GLI2: variants seen among roughly 807,000 people sequenced by gnomAD.
GLI2 encodes transcription activator GLI2.
In GLI2, 22 loss-of-function variants were observed where a neutral mutation model predicts 78.9. That is an observed-to-expected ratio of 0.28 (90% CI 0.20 to 0.40). GLI2 has a LOEUF of 0.40. GLI2 is among the 10% of genes least tolerant of loss of function. The pLI, the probability that GLI2 is intolerant of heterozygous loss-of-function variation, is 1.00. For missense variants in GLI2, 2,097 were observed against 2,213.2 expected (o/e 0.95, Z 1.05); for synonymous variants, 974 against 963.7 (o/e 1.01, Z -0.20).
intron 2 of GLI2, among the ~76,000 whole-genome samples, chr2:120,859,702 G>A (rs929535620): frequency 6.6e-6 from 1 of 151,682 alleles, no homozygotes; most frequent in Non-Finnish European, 1.5e-5. Flanking sequence ...TGATCCGCCC[G>A]CCTTGGCCTC....
chr2:120,828,767 A>G (rs1040715762), intron 2 of GLI2, among the ~76,000 whole-genome samples: 3 of 150,138 alleles, frequency 2.0e-5, no homozygotes, highest in Admixed American at 1.4e-4. Context: ...AATGAAAGGA[A>G]TAATTTATTT....
chr2:120,854,414 G>A (rs1005232135), intron 2 of GLI2, among the ~76,000 whole-genome samples: 5 of 152,178 alleles, frequency 3.3e-5, no homozygotes, highest in Admixed American at 2.6e-4. Flanking sequence ...CCGACAGGAT[G>A]TGTCATATCA....
At chr2:120,766,677 T>A (rs1380227998) in intron 1 of GLI2, among the ~76,000 whole-genome samples, 1 of 152,244 alleles carries the variant, frequency 6.6e-6, no homozygotes, top group Non-Finnish European at 1.5e-5. Flanking sequence ...AAGGTCTTTA[T>A]GCCTCAGTTT....
chr2:120,856,301 G>A (rs1687641925), intron 2 of GLI2, among the ~76,000 whole-genome samples: 1 of 152,166 alleles, frequency 6.6e-6, no homozygotes, highest in Non-Finnish European at 1.5e-5. Flanking sequence ...TGTGGGCATT[G>A]GCAGCGCCTT....
chr2:120,980,579 ATTTTC>A (rs1194135747), intron 10 of GLI2, among the ~76,000 whole-genome samples: 1 of 152,064 alleles, frequency 6.6e-6, no homozygotes, highest in Non-Finnish European at 1.5e-5. Context: ...CATTCTCTGG[ATTTTC>A]TTTTCATTTC....
In GLI2 at chr2:120,989,502, G is replaced by A. The variant is rs1683176636; in HGVS notation, c.3537G>A (p.Gly1179=). The change falls in exon 14 of 14, where the codon GGG becomes GGA. Residue 1179 remains glycine (G), a synonymous_variant. Transcript: ENST00000361492. The part of the protein sequence containing the change: ...YSPQGLQASP[G]GLDSTQPHLQ... ...CGCAAGGCCTACAGGCTAGCCCTGGGGGCCTGGACAGCACGCAGCCACACC... is the reference window on the plus strand; with the variant it reads ...CGCAAGGCCTACAGGCTAGCCCTGGAGGCCTGGACAGCACGCAGCCACACC... The A allele has an allele frequency of 6.2e-7, 1 of 1,612,244 alleles. No individual in the cohort carries two copies. The highest frequency in any genetic ancestry group is 1.3e-5 in the African/African-American group (1 of 75,070).
In GLI2 at chr2:120,953,115, T is replaced by G. The variant is rs1013434878; in HGVS notation, c.457+1670T>G. On this transcript the variant is annotated intron_variant, in intron 4 of 13. Coordinates refer to ENST00000361492, the MANE Select transcript of GLI2 (RefSeq NM_001374353.1). ...TATTCCCTCATTTGGAAAAGCAGTC[T>G]TTGCAGATGTCATTAAGTTAGGTCT... Among the ~76,000 whole-genome samples the G allele has an allele frequency of 5.3e-5, 8 of 152,186 alleles. No homozygotes were observed. In the South Asian group the frequency reaches 1.7e-3, roughly 32 times the overall value.
chr2:120,904,567 A>T (rs1039238852), intron 2 of GLI2, among the ~76,000 whole-genome samples: 15 of 152,202 alleles, frequency 9.9e-5, no homozygotes, highest in African/African-American at 3.6e-4. Context: ...TGCCAAGGGA[A>T]GTGGCACTGT....
chr2:120,883,325 TA>T (rs1006183395), intron 2 of GLI2, among the ~76,000 whole-genome samples: 1 of 151,962 alleles, frequency 6.6e-6, no homozygotes, highest in Non-Finnish European at 1.5e-5. Flanking sequence ...ATCTCTATTT[TA>T]AAAAAGAAAA....
intron 1 of GLI2, among the ~76,000 whole-genome samples, chr2:120,753,823 G>A (rs1185317287): frequency 6.6e-6 from 1 of 151,824 alleles, no homozygotes; most frequent in African/African-American, 2.4e-5. Context: ...GCGGAAACCC[G>A]GGAGGCGGAG....
chr2:120,736,800 TC>T (rs1260156653), intron 1 of GLI2, among the ~76,000 whole-genome samples: 2 of 151,798 alleles, frequency 1.3e-5, no homozygotes, highest in African/African-American at 4.8e-5. Context: ...TGCCTTTCTT[TC>T]TTCCTTCCTC....
Position 120,991,106 on chromosome 2 carries a change from CT to C in GLI2, c.*436del, listed in dbSNP as rs1683279469. 2 of 166,342 alleles carry C rather than the reference CT, an allele frequency of 1.2e-5. No homozygotes were observed. The allele number at this position is 166,342 out of a possible 1,614,324, so 10.3% of individuals were successfully genotyped here. On this transcript the variant is annotated 3_prime_UTR_variant, in exon 14 of 14. Coordinates refer to ENST00000361492, the MANE Select transcript of GLI2 (RefSeq NM_001374353.1). ...GGATACTCTGCTCCGGAAAGATGAG[CT>C]TTTTATTCTACTACTTGGAAGGAAA...
intron 2 of GLI2, among the ~76,000 whole-genome samples, chr2:120,811,396 G>T (rs1340869227): frequency 6.6e-6 from 1 of 152,168 alleles, no homozygotes; most frequent in East Asian, 1.9e-4. Flanking sequence ...CCCCATAAGG[G>T]TACACAAAGT....
intron 1 of GLI2, among the ~76,000 whole-genome samples, chr2:120,764,431 C>T (rs1558784934): frequency 6.8e-6 from 1 of 148,126 alleles, no homozygotes; most frequent in African/African-American, 2.6e-5. Context: ...ATGCTTTAAT[C>T]TTTTAAAAAA....
intron 3 of GLI2, among the ~76,000 whole-genome samples, chr2:120,932,747 C>T (rs185215298): frequency 2.0e-5 from 3 of 152,298 alleles, no homozygotes; most frequent in Admixed American, 6.5e-5. Flanking sequence ...GAGCAACAAT[C>T]GTGATCATTG....
intron 2 of GLI2, among the ~76,000 whole-genome samples, chr2:120,804,811 C>T (rs1684866583): frequency 6.6e-6 from 1 of 152,312 alleles, no homozygotes; most frequent in Non-Finnish European, 1.5e-5. Flanking sequence ...CAGGAGTGTA[C>T]TGCAAGGTTG....
At position 120,991,470 on chromosome 2, in the gene GLI2, T is replaced by C. The variant is rs1015813455; in HGVS notation, c.*795T>C. The C allele has an allele frequency of 1.3e-5, 2 of 152,694 alleles. No homozygotes were observed. The highest frequency in any genetic ancestry group is 4.1e-4 in the South Asian group (2 of 4,834). The allele number at this position is 152,694 out of a possible 1,614,324, so 9.5% of individuals were successfully genotyped here. A position where few individuals can be genotyped will look rare whatever the true frequency, so the allele number is the denominator to read the frequency against. On this transcript the variant is annotated 3_prime_UTR_variant, in exon 14 of 14. Transcript: ENST00000361492. ...GTGTTTACAGTGTTTGCATGTAGAATGTAGCCCTTCCTGAAAAGAAGACTT... is the reference window on the plus strand; with the variant it reads ...GTGTTTACAGTGTTTGCATGTAGAACGTAGCCCTTCCTGAAAAGAAGACTT...
rs1482673150 is a variant in GLI2, at chr2:120,955,152, CCTTTTT to C, written c.458-92_458-87del. The C allele has an allele frequency of 8.5e-3, 2,584 of 303,654 alleles. 78 individuals are homozygous for C. Among genetic ancestry groups the C allele is most frequent in the East Asian group, 0.02 (203 of 10,394 alleles). The allele number at this position is 303,654 out of a possible 1,614,324, so 18.8% of individuals were successfully genotyped here. ...GACACCAGGTGTGCATTTCTCTCTGCCTTTTTTTTTTTTTTTTTTTTTTTTTTTTGG... is the reference window on the plus strand; with the variant it reads ...GACACCAGGTGTGCATTTCTCTCTGCTTTTTTTTTTTTTTTTTTTTTTTGG... On this transcript the variant is annotated intron_variant, in intron 4 of 13. Transcript: ENST00000361492.
intron 5 of GLI2, among the ~76,000 whole-genome samples, chr2:120,962,206 C>G (rs1681601024): frequency 6.6e-6 from 1 of 152,198 alleles, no homozygotes; most frequent in African/African-American, 2.4e-5. Context: ...CTGGGTCTGC[C>G]TGAGTCCAGG....
Sources: allele counts gnomAD v4.1 joint callset (sites outside exome capture counted in the v4.1 genomes callset), GRCh38; gene constraint gnomAD v4.1.1; transcripts MANE v1.5; gene names NCBI Gene and HGNC (gene_info 2026-07-23, HGNC 2026-07-21).